Variants in ZDHHC14 observed in about 807,000 individuals in gnomAD.
ZDHHC14 encodes the protein palmitoyltransferase ZDHHC14.
A neutral mutation model predicts 47.7 loss-of-function variants in ZDHHC14; 16 were observed. The ratio of observed to expected loss-of-function variants is 0.34; its 90% CI spans 0.23 to 0.51. The LOEUF (loss-of-function observed/expected upper bound fraction) is 0.51, where lower values mean the gene tolerates loss of function less well. ZDHHC14 is among the 20% of genes least tolerant of loss of function. The probability of loss-of-function intolerance (pLI) is 0.97; values close to 1 mark genes in which losing one functional copy is unlikely to be tolerated. For missense variants in ZDHHC14, 515 were observed against 662.5 expected (o/e 0.78, Z 2.44); for synonymous variants, 293 against 278.9 (o/e 1.05, Z -0.50).
intron 3 of ZDHHC14, among the ~76,000 whole-genome samples, chr6:157,624,897 C>T (rs1785340538): frequency 6.6e-6 from 1 of 152,136 alleles, no homozygotes; most frequent in African/African-American, 2.4e-5. Context: ...GAGATTTAGT[C>T]CTTACAGTTC....
chr6:157,612,383 A>T (rs971514814), intron 3 of ZDHHC14, among the ~76,000 whole-genome samples: 8 of 151,966 alleles, frequency 5.3e-5, no homozygotes, highest in East Asian at 3.9e-4. Flanking sequence ...AAAATCCTTA[A>T]CCTAGTATAC....
chr6:157,595,487 G>A (rs371046919), intron 3 of ZDHHC14, among the ~76,000 whole-genome samples: 6 of 151,860 alleles, frequency 4.0e-5, no homozygotes, highest in African/African-American at 1.5e-4. Flanking sequence ...CACTGCTCCC[G>A]GCCTAGGCTA....
chr6:157,572,251 G>A (rs1211218262), intron 2 of ZDHHC14, among the ~76,000 whole-genome samples: 2 of 152,062 alleles, frequency 1.3e-5, no homozygotes, highest in Non-Finnish European at 2.9e-5. Context: ...GGTCCCACTT[G>A]TGACACTCCC....
In ZDHHC14 at chr6:157,427,117, G is replaced by A. The variant is rs545417987; in HGVS notation, c.245+44851G>A. On this transcript the variant is annotated intron_variant, in intron 1 of 8. Coordinates refer to ENST00000359775, the MANE Select transcript of ZDHHC14 (RefSeq NM_024630.3). This position sits in a 1 kb window ranked among gnomAD's most constrained non-coding sequence, Gnocchi z 4.4. ...GGAGAAGAGAGGGAAGGAAGAGGGC[G>A]TGCAGGGCGGAGGGACAAGGCTCAG... is the stretch of plus-strand genomic sequence containing the variant. Among the ~76,000 whole-genome samples, 19 of 152,084 alleles carry A rather than the reference G, an allele frequency of 1.2e-4. No homozygotes were observed. The highest frequency in any genetic ancestry group is 1.0e-3 in the South Asian group (5 of 4,822).
chr6:157,482,182 T>C (rs1309602201), intron 1 of ZDHHC14, among the ~76,000 whole-genome samples: 1 of 152,146 alleles, frequency 6.6e-6, no homozygotes, highest in Non-Finnish European at 1.5e-5. Flanking sequence ...TGGCCTCTGA[T>C]AGTAGCCAGT....
intron 1 of ZDHHC14, among the ~76,000 whole-genome samples, chr6:157,443,882 T>C (rs1056205294): frequency 2.6e-5 from 4 of 152,222 alleles, no homozygotes; most frequent in Admixed American, 2.0e-4. Flanking sequence ...AGGGTTCTGC[T>C]TCAGATTAAA....
chr6:157,554,066 T>G (rs1265478725), intron 2 of ZDHHC14, among the ~76,000 whole-genome samples: 1 of 152,248 alleles, frequency 6.6e-6, no homozygotes, highest in Non-Finnish European at 1.5e-5. Flanking sequence ...ATTCAGAAAC[T>G]GTAGATAAAG....
At chr6:157,392,022 T>C (rs980010887) in intron 1 of ZDHHC14, among the ~76,000 whole-genome samples, 3 of 152,258 alleles carry the variant, frequency 2.0e-5, no homozygotes, top group Non-Finnish European at 4.4e-5. Context: ...TGGCATTTGC[T>C]GTCATTTTGT....
chr6:157,446,341 T>C (rs921084431), intron 1 of ZDHHC14, among the ~76,000 whole-genome samples: 1 of 152,148 alleles, frequency 6.6e-6, no homozygotes, highest in African/African-American at 2.4e-5. Context: ...CTCAATTTCC[T>C]CATCACAGAT....
chr6:157,499,356 TCTC>T (rs1780141690), intron 1 of ZDHHC14, among the ~76,000 whole-genome samples: 1 of 152,082 alleles, frequency 6.6e-6, no homozygotes, highest in Non-Finnish European at 1.5e-5. Context: ...GGTGGTGCCT[TCTC>T]CTTGTGTCCT....
At chr6:157,459,566 A>G (rs1238309429) in intron 1 of ZDHHC14, among the ~76,000 whole-genome samples, 2 of 152,062 alleles carry the variant, frequency 1.3e-5, no homozygotes, top group Admixed American at 1.3e-4. Flanking sequence ...ATAAGGGAAG[A>G]GTTGGGGTTT....
chr6:157,658,005 A>T (rs916835461), intron 8 of ZDHHC14, among the ~76,000 whole-genome samples: 1 of 152,228 alleles, frequency 6.6e-6, no homozygotes, highest in African/African-American at 2.4e-5. Context: ...TAGGGTTTCT[A>T]TGAGGATTAA....
intron 1 of ZDHHC14, among the ~76,000 whole-genome samples, chr6:157,470,887 A>T (rs2114825140): frequency 6.6e-6 from 1 of 152,304 alleles, no homozygotes; most frequent in South Asian, 2.1e-4. Context: ...GTCTATACAC[A>T]CACATGTTAT....
rs1195968972 is a variant in ZDHHC14, at chr6:157,676,444, G to C, written c.*3322G>C. 1 of 152,460 alleles carries C rather than the reference G, an allele frequency of 6.6e-6. No homozygotes were observed. The highest frequency in any genetic ancestry group is 2.4e-5 in the African/African-American group (1 of 41,436). 9.4% of individuals were successfully genotyped at this position (152,460 alleles called of 1,614,324 possible). On this transcript the variant is annotated 3_prime_UTR_variant, in exon 9 of 9. Coordinates refer to ENST00000359775, the MANE Select transcript of ZDHHC14 (RefSeq NM_024630.3). ...CCCCAGCTTACTGCGGCCTTCACCG[G>C]CTCTGTCTAGGATTGCCAGCTGTGG...
At chr6:157,593,450 G>A (rs1217513036) in intron 3 of ZDHHC14, among the ~76,000 whole-genome samples, 1 of 152,158 alleles carries the variant, frequency 6.6e-6, no homozygotes, top group Admixed American at 6.5e-5. Flanking sequence ...CAGGCCTCTC[G>A]ATTGCCACAG....
chr6:157,480,946 A>G (rs1158512317), intron 1 of ZDHHC14, among the ~76,000 whole-genome samples: 4 of 152,342 alleles, frequency 2.6e-5, no homozygotes, highest in Non-Finnish European at 4.4e-5. Flanking sequence ...TGTGTTTTGC[A>G]TTGTTCATTG....
At position 157,676,748 on chromosome 6, in the gene ZDHHC14, C is replaced by T. The variant is rs933819336; in HGVS notation, c.*3626C>T. The stretch of plus-strand genomic sequence containing the variant: ...GGGCTACTCCCCAAGGGTCTCAGGT[C>T]TCTGCCCACCTGACTACCCTGCAGC... On this transcript the variant is annotated 3_prime_UTR_variant, in exon 9 of 9. Coordinates refer to ENST00000359775, the MANE Select transcript of ZDHHC14 (RefSeq NM_024630.3). 6.6e-6 allele frequency: 1 copy of T among 152,330 alleles called. No homozygotes were observed. The highest frequency in any genetic ancestry group is 2.4e-5 in the African/African-American group (1 of 41,476). 9.4% of individuals were successfully genotyped at this position (152,330 alleles called of 1,614,324 possible). A position where few individuals can be genotyped will look rare whatever the true frequency, so the allele number is the denominator to read the frequency against.
chr6:157,535,680 A>G (rs1273410509), intron 1 of ZDHHC14, among the ~76,000 whole-genome samples: 1 of 152,178 alleles, frequency 6.6e-6, no homozygotes, highest in Non-Finnish European at 1.5e-5. Context: ...ATTAGTCACT[A>G]ATCGTGCTTT....
At chr6:157,664,100 G>T (rs188160683) in intron 8 of ZDHHC14, among the ~76,000 whole-genome samples, 32 of 152,196 alleles carry the variant, frequency 2.1e-4, no homozygotes, top group African/African-American at 7.5e-4. Flanking sequence ...CCTTACCCAC[G>T]CTCCCCTGTG....
Sources: allele counts gnomAD v4.1 joint callset (sites outside exome capture counted in the v4.1 genomes callset), GRCh38; gene constraint gnomAD v4.1.1; non-coding constraint Gnocchi (gnomAD v3.1); transcripts MANE v1.5; gene names NCBI Gene and HGNC (gene_info 2026-07-23, HGNC 2026-07-21).